EMCN: variants seen among roughly 807,000 people sequenced by gnomAD.
The protein encoded by EMCN is endomucin.
EMCN carries 37 observed loss-of-function variants against 38.4 expected under a neutral mutation model. The ratio of observed to expected loss-of-function variants is 0.96; its 90% CI spans 0.74 to 1.27. The LOEUF is 1.27. EMCN is among the 50% of genes most tolerant of loss of function. The pLI is 0.00. For synonymous variants in EMCN, 95 were observed against 100.8 expected (o/e 0.94, Z 0.35); for missense variants, 318 against 302.8 (o/e 1.05, Z -0.37).
At chr4:100,457,495 C>G (rs920176140) in intron 4 of EMCN, among the ~76,000 whole-genome samples, 15 of 152,178 alleles carry the variant, frequency 9.9e-5, no homozygotes, top group African/African-American at 3.4e-4. Flanking sequence ...GTTTATTGAG[C>G]ATTTTTATCC....
chr4:100,462,574 T>C (rs1407572499), intron 4 of EMCN, among the ~76,000 whole-genome samples: 2 of 152,156 alleles, frequency 1.3e-5, no homozygotes, highest in African/African-American at 2.4e-5. Flanking sequence ...TGCAGATATA[T>C]ATATAGTAGT....
intron 1 of EMCN, among the ~76,000 whole-genome samples, chr4:100,491,648 C>A (rs1261448334): frequency 6.6e-6 from 1 of 152,174 alleles, no homozygotes; most frequent in Non-Finnish European, 1.5e-5. Flanking sequence ...AATAGTGGTA[C>A]CACTTGACCA....
chr4:100,512,825 T>C (rs1729662711), intron 1 of EMCN, among the ~76,000 whole-genome samples: 1 of 149,860 alleles, frequency 6.7e-6, no homozygotes, highest in Admixed American at 6.7e-5. Context: ...AAAAAAAAAA[T>C]TCCTACTCTG....
chr4:100,424,333 G>C (rs986880277), intron 5 of EMCN, among the ~76,000 whole-genome samples: 4 of 152,038 alleles, frequency 2.6e-5, no homozygotes, highest in Non-Finnish European at 5.9e-5. Context: ...TGAATTGCAA[G>C]TTCCTAGAGT....
chr4:100,504,656 C>T (rs947844055), intron 1 of EMCN, among the ~76,000 whole-genome samples: 4 of 152,200 alleles, frequency 2.6e-5, no homozygotes, highest in East Asian at 1.9e-4. Flanking sequence ...ACAGGGCCAC[C>T]GGAGGGCTCC....
intron 5 of EMCN, among the ~76,000 whole-genome samples, chr4:100,427,398 A>C (rs1727078945): frequency 6.6e-6 from 1 of 151,404 alleles, no homozygotes; most frequent in African/African-American, 2.4e-5. Flanking sequence ...CAGCCTCCTA[A>C]GTAGATAGGG....
intron 1 of EMCN, among the ~76,000 whole-genome samples, chr4:100,489,879 C>T (rs986100496): frequency 4.6e-5 from 7 of 152,074 alleles, no homozygotes; most frequent in African/African-American, 9.7e-5. Context: ...GAACCAACCT[C>T]GTTGGATACT....
chr4:100,398,934 C>G (rs150906920), intron 11 of EMCN, among the ~76,000 whole-genome samples: 1 of 152,224 alleles, frequency 6.6e-6, no homozygotes, highest in Non-Finnish European at 1.5e-5. Flanking sequence ...TCTCATATTC[C>G]TTTTCTGATT....
At chr4:100,454,375 C>A (rs765730260) in intron 4 of EMCN, among the ~76,000 whole-genome samples, 1 of 152,046 alleles carries the variant, frequency 6.6e-6, no homozygotes, top group Non-Finnish European at 1.5e-5. Context: ...TCTTTTGAAG[C>A]ACCCCTCAGT....
intron 5 of EMCN, among the ~76,000 whole-genome samples, chr4:100,433,042 A>G (rs1727247256): frequency 6.6e-6 from 1 of 152,120 alleles, no homozygotes; most frequent in Admixed American, 6.6e-5. Flanking sequence ...TGTGTTAACA[A>G]TGTCCTTATG....
chr4:100,443,402 T>G (rs1278597446), intron 5 of EMCN, among the ~76,000 whole-genome samples: 1 of 152,162 alleles, frequency 6.6e-6, no homozygotes, highest in Non-Finnish European at 1.5e-5. Context: ...GTAGGCACAG[T>G]GGGGTAATCA....
intron 5 of EMCN, among the ~76,000 whole-genome samples, chr4:100,433,836 G>A (rs756053937): frequency 1.3e-4 from 20 of 151,870 alleles, no homozygotes; most frequent in Non-Finnish European, 2.4e-4. Context: ...GCACCCAGCC[G>A]AAATCTCCAT....
chr4:100,503,583 T>A lies in EMCN; in HGVS notation c.64+14268A>T, dbSNP rs571424562. Among the ~76,000 whole-genome samples the A allele has an allele frequency of 8.5e-5, 13 of 152,268 alleles. No homozygotes were observed. The South Asian group carries it at 1.9e-3, about 22-fold the overall frequency. On this transcript the variant is annotated intron_variant, in intron 1 of 11. Coordinates refer to ENST00000296420, the MANE Select transcript of EMCN (RefSeq NM_016242.4). ...TATTATTTTCACCAATCTACTTTTT[T>A]ATTTTTTAGTTCTAAGACAGGGTTT... is the stretch of plus-strand genomic sequence containing the variant.
At chr4:100,428,261 C>T (rs1727106092) in intron 5 of EMCN, among the ~76,000 whole-genome samples, 2 of 152,140 alleles carry the variant, frequency 1.3e-5, no homozygotes, top group African/African-American at 4.8e-5. Context: ...CCAGGCCTCT[C>T]CTCAAGTTCT....
intron 4 of EMCN, among the ~76,000 whole-genome samples, chr4:100,453,944 G>A (rs1727924478): frequency 6.6e-6 from 1 of 150,762 alleles, no homozygotes; most frequent in African/African-American, 2.4e-5. Flanking sequence ...AACACCGCGT[G>A]TTCTCACTCA....
intron 3 of EMCN, among the ~76,000 whole-genome samples, chr4:100,472,936 A>G (rs565001744): frequency 6.1e-4 from 91 of 149,500 alleles, no homozygotes; most frequent in Non-Finnish European, 1.0e-3. Context: ...AGATAGATAG[A>G]TATCCCTATC....
chr4:100,495,219 A>AT (rs921153132), intron 1 of EMCN, among the ~76,000 whole-genome samples: 20 of 151,480 alleles, frequency 1.3e-4, no homozygotes, highest in African/African-American at 3.4e-4. Flanking sequence ...GAGTTACCTA[A>AT]TTTTTTTTTA....
chr4:100,470,968 A>G (rs577242750), intron 3 of EMCN, among the ~76,000 whole-genome samples: 14 of 152,150 alleles, frequency 9.2e-5, no homozygotes, highest in African/African-American at 3.4e-4. Flanking sequence ...AAAGAAGGAA[A>G]TTTATAGGTG....
intron 1 of EMCN, among the ~76,000 whole-genome samples, chr4:100,490,370 T>C (rs1560637986): frequency 6.6e-6 from 1 of 152,110 alleles, no homozygotes. Context: ...CATATTAGTA[T>C]AGAAAAAAAT....
Sources: gnomAD v4.1 joint callset for allele counts (sites outside exome capture counted in the v4.1 genomes callset) on GRCh38, gnomAD v4.1.1 for gene constraint, MANE v1.5 for transcripts, NCBI Gene and HGNC (gene_info 2026-07-23, HGNC 2026-07-21) for gene names.